Variants in C10orf67 observed in about 807,000 individuals in gnomAD.
C10orf67 encodes the protein uncharacterized protein C10orf67, mitochondrial.
C10orf67 carries 60 observed loss-of-function variants against 35.6 expected under a neutral mutation model. The ratio of observed to expected loss-of-function variants is 1.68; its 90% CI spans 1.37 to 2.09. The LOEUF (loss-of-function observed/expected upper bound fraction) is 2.09. C10orf67 is among the 30% of genes most tolerant of loss of function. The pLI, the probability that C10orf67 is intolerant of heterozygous loss-of-function variation, is 0.00. For missense variants in C10orf67, 474 were observed against 330.2 expected, an observed-to-expected ratio of 1.44 and a Z score of -3.38; for synonymous variants, 167 against 115.8, an observed-to-expected ratio of 1.44 and a Z score of -2.84.
At chr10:23,291,409 T>C (rs1843716046) in intron 5 of C10orf67, 130 bp from the exon 6 acceptor site, 3 of 579,714 alleles carry the variant, frequency 5.2e-6, no homozygotes, top group Admixed American at 3.1e-5. Context: ...ATAAGAATAG[T>C]AAAAAGGAAG....
rs1209091897 is a variant in C10orf67 at position 23,250,674 on chromosome 10, A to G, written c.1218T>C (p.Gly406=). Reference sequence around the variant, plus strand: ...TTAATGCTTCTATTTGAGACTCCAAACCATGTTTGTCTTCAACCTTTCAAT... The same window carrying G: ...TTAATGCTTCTATTTGAGACTCCAAGCCATGTTTGTCTTCAACCTTTCAAT... ...EDQAVVEDKH[G]LESQIEALKA... is the part of the protein sequence containing the mutation. Residue 406 remains glycine (G), a synonymous_variant, in exon 11 of 16, where the codon GGT becomes GGC. Coordinates refer to ENST00000636213, the MANE Select transcript of C10orf67 (RefSeq NM_001371909.1). 8 of 398,598 alleles carry G rather than the reference A, an allele frequency of 2.0e-5. No homozygotes were observed. In the East Asian group the frequency reaches 2.9e-4, roughly 14 times the overall value. 24.7% of individuals were successfully genotyped at this position (398,598 alleles called of 1,614,324 possible).
At chr10:23,210,553 G>C (rs1381033701) in intron 15 of C10orf67, among the ~76,000 whole-genome samples, 2 of 152,110 alleles carry the variant, frequency 1.3e-5, no homozygotes, top group African/African-American at 4.8e-5. Context: ...CCAAGTAGCT[G>C]GGACCACAAA....
intron 2 of C10orf67, among the ~76,000 whole-genome samples, chr10:23,331,975 G>A (rs1277285828): frequency 5.3e-5 from 8 of 152,122 alleles, no homozygotes; most frequent in Admixed American, 1.3e-4. Flanking sequence ...AGTTACTAGC[G>A]GGAGTGTAAA....
At chr10:23,209,079 C>G (rs566551468) in intron 15 of C10orf67, among the ~76,000 whole-genome samples, 1 of 151,880 alleles carries the variant, frequency 6.6e-6, no homozygotes, top group African/African-American at 2.4e-5. Context: ...CATGAAACAG[C>G]AGGGCACTGC....
chr10:23,235,379 A>G (rs1211019538), intron 13 of C10orf67, among the ~76,000 whole-genome samples: 2 of 152,228 alleles, frequency 1.3e-5, no homozygotes, highest in African/African-American at 4.8e-5. Context: ...TTCAGAAAAT[A>G]GAAGGAAAAA....
chr10:23,259,204 T>C (rs1311260623), intron 10 of C10orf67, among the ~76,000 whole-genome samples: 2 of 152,242 alleles, frequency 1.3e-5, no homozygotes, highest in Admixed American at 6.5e-5. Context: ...GGTTCACCAA[T>C]AGACTGGGCA....
In C10orf67 at chr10:23,320,912, A is replaced by T. The variant is rs567244048; in HGVS notation, c.472-97T>A. 3 of 750,450 alleles carry T rather than the reference A, an allele frequency of 4.0e-6. No individual in the cohort carries two copies. In the Admixed American group the frequency reaches 7.7e-5, roughly 19 times the overall value. 46.5% of individuals were successfully genotyped at this position (750,450 alleles called of 1,614,324 possible). A position where few individuals can be genotyped will look rare whatever the true frequency, so the allele number is the denominator to read the frequency against. Reference sequence around the variant, plus strand: ...ACTCATAGTAAAAAAACATCATCTGAATCATCACAATCTATTGAAAACTTC... The same window carrying T: ...ACTCATAGTAAAAAAACATCATCTGTATCATCACAATCTATTGAAAACTTC... On this transcript the variant is annotated intron_variant, in intron 3 of 15. Coordinates refer to ENST00000636213, the MANE Select transcript of C10orf67 (RefSeq NM_001371909.1).
At chr10:23,243,851 T>C (rs1842246185) in intron 12 of C10orf67, among the ~76,000 whole-genome samples, 1 of 152,168 alleles carries the variant, frequency 6.6e-6, no homozygotes, top group Non-Finnish European at 1.5e-5. Flanking sequence ...ACTAGAACTA[T>C]AACTAGCTAA....
intron 10 of C10orf67, among the ~76,000 whole-genome samples, chr10:23,261,414 C>T (rs1842746079): frequency 6.6e-6 from 1 of 152,156 alleles, no homozygotes; most frequent in Non-Finnish European, 1.5e-5. Flanking sequence ...TGGGCTCAAA[C>T]AATCCTCTCA....
rs148703578 is a variant in C10orf67, at chr10:23,221,058, T to C, written c.1570+2540A>G. ...TGTTTTATGTACCTGTATTAGTCCA[T>C]TCTCATGCTGCTATAAAGAACTACC... is the stretch of plus-strand genomic sequence containing the variant. On this transcript the variant is annotated intron_variant, in intron 15 of 15. Coordinates refer to ENST00000636213, the MANE Select transcript of C10orf67 (RefSeq NM_001371909.1). Among the ~76,000 whole-genome samples the C allele has an allele frequency of 4.4e-3, 677 of 152,336 alleles. 7 individuals carry two copies. The highest frequency in any genetic ancestry group is 0.016 in the African/African-American group (648 of 41,578).
Position 23,204,121 on chromosome 10 carries a change from G to A in C10orf67, c.*52C>T. 1 of 472,268 alleles carries A rather than the reference G, an allele frequency of 2.1e-6. No individual in the cohort carries two copies. Among genetic ancestry groups the A allele is most frequent in the Non-Finnish European group, 3.9e-6 (1 of 256,506 alleles). The allele number at this position is 472,268 out of a possible 1,614,324, so 29.3% of individuals were successfully genotyped here. On this transcript the variant is annotated 3_prime_UTR_variant, in exon 16 of 16. Transcript: ENST00000636213. ...GAGGGAGGCACCTTACACCAGGACG[G>A]CGAGGCCACTCTTTCTGAGGCCCCG...
intron 5 of C10orf67, among the ~76,000 whole-genome samples, chr10:23,292,264 TA>T (rs201970584): frequency 0.075 from 10,570 of 140,798 alleles, 653 homozygotes; most frequent in African/African-American, 0.18. Context: ...TGCCATGCAT[TA>T]AAAAAAAAAA....
intron 2 of C10orf67, among the ~76,000 whole-genome samples, chr10:23,329,825 A>G (rs1845374239): frequency 6.6e-6 from 1 of 150,684 alleles, no homozygotes; most frequent in African/African-American, 2.4e-5. Context: ...AAGAAAAGAA[A>G]AGAAAAAAAT....
chr10:23,224,164 C>T (rs1841665634), intron 13 of C10orf67, among the ~76,000 whole-genome samples: 3 of 152,328 alleles, frequency 2.0e-5, no homozygotes, highest in South Asian at 2.1e-4. Context: ...TGGCTGGGTA[C>T]CCCTCTGAGA....
chr10:23,225,215 C>T (rs1841703477), intron 13 of C10orf67, among the ~76,000 whole-genome samples: 1 of 152,148 alleles, frequency 6.6e-6, no homozygotes. Flanking sequence ...GGCCAATATT[C>T]AACATTCTTA....
intron 12 of C10orf67, among the ~76,000 whole-genome samples, chr10:23,248,262 G>A (rs1455842788): frequency 1.3e-5 from 2 of 152,156 alleles, no homozygotes; most frequent in Admixed American, 6.5e-5. Flanking sequence ...TGGAAACAGC[G>A]GCATCACCGC....
intron 2 of C10orf67, among the ~76,000 whole-genome samples, chr10:23,330,754 T>A (rs1261211870): frequency 3.1e-5 from 4 of 127,896 alleles, no homozygotes; most frequent in South Asian, 2.6e-4. Flanking sequence ...AAAAAAAAAA[T>A]CAAAATAACA....
rs143161539 is a variant in C10orf67, at chr10:23,268,383, T to C, written c.976-1129A>G. 9.0e-4 allele frequency among the ~76,000 whole-genome samples: 137 copies of C among 152,352 alleles called. 1 individual carries two copies. The highest frequency in any genetic ancestry group is 3.1e-3 in the African/African-American group (130 of 41,580). On this transcript the variant is annotated intron_variant, in intron 8 of 15. Coordinates refer to ENST00000636213, the MANE Select transcript of C10orf67 (RefSeq NM_001371909.1). ...GTGCATGTTTCCATAATATTAAGAT[T>C]TTTTCATAATATGAATTTATGAGTA...
intron 15 of C10orf67, among the ~76,000 whole-genome samples, chr10:23,205,474 A>G (rs560661732): frequency 2.6e-5 from 4 of 152,228 alleles, no homozygotes; most frequent in Non-Finnish European, 5.9e-5. Context: ...TTTTTATAAA[A>G]CTATGCATAC....
Sources: gnomAD v4.1 joint callset for allele counts (sites outside exome capture counted in the v4.1 genomes callset) on GRCh38, gnomAD v4.1.1 for gene constraint, MANE v1.5 for transcripts, NCBI Gene and HGNC (gene_info 2026-07-23, HGNC 2026-07-21) for gene names.